FHIP1B: variants seen among roughly 807,000 people sequenced by gnomAD.
FHIP1B encodes FHF complex subunit HOOK-interacting protein 1B.
Under a neutral mutation model 82.2 loss-of-function variants are expected in FHIP1B, and 28 were observed. That is an observed-to-expected ratio of 0.34 (90% CI 0.25 to 0.47). The LOEUF is 0.47. Ranked by LOEUF, FHIP1B falls within the 20% of genes least tolerant of loss-of-function variation. The pLI is 1.00. For synonymous variants in FHIP1B, 585 were observed against 516.1 expected, an observed-to-expected ratio of 1.13 and a Z score of -1.81; for missense variants, 1,110 against 1,262.6, an observed-to-expected ratio of 0.88 and a Z score of 1.83.
Position 6,224,368 on chromosome 11 carries a change from C to T in FHIP1B, c.138+11G>A, listed in dbSNP as rs76804624. The T allele has an allele frequency of 2.2e-3, 3,480 of 1,614,112 alleles. 79 individuals carry two copies. The African/African-American group carries it at 0.039, about 18-fold the overall frequency. On this transcript the variant is annotated intron_variant, in intron 2 of 11. Transcript: ENST00000449352. ...TCAGCAGACAAGGCCCTTTGCCATA[C>T]AGTCTCCTACCTGGGACCAGTGATT...
At chr11:6,218,941 G>A in intron 7 of FHIP1B, 30 bp downstream of exon 7, 1 of 1,610,688 alleles carries the variant, frequency 6.2e-7, no homozygotes, top group Non-Finnish European at 8.5e-7. Flanking sequence ...TTCAGGGTCA[G>A]CCATCCCTCA....
At position 6,214,474 on chromosome 11, in the gene FHIP1B, C is replaced by T. The variant is rs1432518061; in HGVS notation, c.2494G>A (p.Gly832Ser). 2.5e-6 allele frequency: 4 copies of T among 1,614,114 alleles called. No homozygotes were observed. The highest frequency in any genetic ancestry group is 3.4e-6 in the Non-Finnish European group (4 of 1,180,018). Residue 832 changes from glycine to serine, a missense_variant, in exon 11 of 12, where the codon GGC becomes AGC. Physicochemically the swap from Gly to Ser is moderately conservative, Grantham distance 56 (BLOSUM62 0). Coordinates refer to ENST00000449352, the MANE Select transcript of FHIP1B (RefSeq NM_001098794.2). ...SKAKKYLIAR[G>S]KLDWAEGPAA... Reference sequence around the variant, plus strand: ...GGGCCCTCAGCCCAGTCCAACTTGCCACGGGCAATGAGGTACTTCTTGGCT... The same window carrying T: ...GGGCCCTCAGCCCAGTCCAACTTGCTACGGGCAATGAGGTACTTCTTGGCT...
In FHIP1B at chr11:6,211,832, G is replaced by A; in HGVS notation, c.2593C>T (p.Leu865=). 2 of 1,593,972 alleles carry A rather than the reference G, an allele frequency of 1.3e-6. No individual in the cohort carries two copies. The highest frequency in any genetic ancestry group is 1.3e-5 in the African/African-American group (1 of 74,170). ...CTGGTTGGACTGTGTGCATGCCGCAGGAGTAACTCCCCCAAGGATGGCCTC... is the reference window on the plus strand; with the variant it reads ...CTGGTTGGACTGTGTGCATGCCGCAAGAGTAACTCCCCCAAGGATGGCCTC... ...SRRPSLGELL[L]RHAHSPTRAR... The change falls in exon 12 of 12, where the codon CTG becomes TTG. Residue 865 remains leucine (L), a synonymous_variant. Transcript: ENST00000449352.
intron 11 of FHIP1B, among the ~76,000 whole-genome samples, chr11:6,214,034 GAAAA>G (rs59502569): frequency 1.3e-3 from 48 of 36,632 alleles, no homozygotes; most frequent in African/African-American, 4.7e-3. Flanking sequence ...GACCTCTCCT[GAAAA>G]AAAAAAAAAA....
At position 6,234,584 on chromosome 11, in the gene FHIP1B, C is replaced by T. The variant is rs325700; in HGVS notation, c.-232G>A. 0.07 allele frequency: 10,665 copies of T among 152,630 alleles called. 767 individuals carry two copies. The highest frequency in any genetic ancestry group is 0.18 in the African/African-American group (7,656 of 41,562). The allele number at this position is 152,630 out of a possible 1,614,324, so 9.5% of individuals were successfully genotyped here. On this transcript the variant is annotated 5_prime_UTR_variant, in exon 1 of 12. Transcript: ENST00000449352. ...CGCCGAACCTGGCCGGGCCCGGTTG[C>T]TGCTGCGGTGTTAGGTGAGTTCAGG... is the stretch of plus-strand genomic sequence containing the variant.
At position 6,215,283 on chromosome 11, in the gene FHIP1B, G is replaced by A. The variant is rs537228302; in HGVS notation, c.2216-372C>T. On this transcript the variant is annotated intron_variant, in intron 9 of 11. Transcript: ENST00000449352. Reference sequence around the variant, plus strand: ...TATACCTACCTCATAAGGTGATGAAGAGGATCAAAGAGTTATCAATATAAA... The same window carrying A: ...TATACCTACCTCATAAGGTGATGAAAAGGATCAAAGAGTTATCAATATAAA... 6.4e-4 allele frequency: 108 copies of A among 168,690 alleles called. No homozygotes were observed. In the South Asian group the frequency reaches 0.012, roughly 19 times the overall value. 10.4% of individuals were successfully genotyped at this position (168,690 alleles called of 1,614,324 possible).
At chr11:6,216,104 C>T (rs1248266597) in intron 9 of FHIP1B, among the ~76,000 whole-genome samples, 1 of 152,192 alleles carries the variant, frequency 6.6e-6, no homozygotes, top group African/African-American at 2.4e-5. Flanking sequence ...TACTTCAAGA[C>T]TGTGGTAAAA....
At chr11:6,218,509 CT>C (rs3833754) in intron 8 of FHIP1B, 90 bp downstream of exon 8, 363,924 of 1,572,098 alleles carry the variant, frequency 0.23, 44,460 homozygotes, top group Middle Eastern at 0.28. Context: ...CCTTCCTCCC[CT>C]TCACCCCAGC....
rs942952382 is a variant in FHIP1B at position 6,218,265 on chromosome 11, T to C, written c.1436-115A>G. ...TGGGGAGGCAGAAACATGGAATCTA[T>C]TCAGACAGCTAACTCTCCAACCTCC... is the stretch of plus-strand genomic sequence containing the variant. On this transcript the variant is annotated intron_variant, in intron 8 of 11. Transcript: ENST00000449352. The C allele has an allele frequency of 2.9e-6, 4 of 1,393,346 alleles. No individual in the cohort carries two copies. In the African/African-American group the frequency reaches 4.4e-5, roughly 15 times the overall value. 86.3% of individuals were successfully genotyped at this position (1,393,346 alleles called of 1,614,324 possible).
In FHIP1B at chr11:6,218,584, T is replaced by C. The variant is rs191657277; in HGVS notation, c.1435+16A>G. On this transcript the variant is annotated intron_variant, in intron 8 of 11. Transcript: ENST00000449352. ...CGTGATGTCCTCCCTTCTCCCTGTC[T>C]CTCTGCTAGGCCCACCTCGTGCCCA... 2 of 1,613,728 alleles carry C rather than the reference T, an allele frequency of 1.2e-6. No individual in the cohort carries two copies. Among genetic ancestry groups the C allele is most frequent in the African/African-American group, 2.7e-5 (2 of 74,858 alleles).
At chr11:6,217,149 G>A (rs770156644) in intron 9 of FHIP1B, 9 of 704,406 alleles carry the variant, frequency 1.3e-5, no homozygotes, top group Middle Eastern at 4.6e-4. Flanking sequence ...AGGCTCAGAT[G>A]TAAGTCAATA....
At position 6,214,918 on chromosome 11, in the gene FHIP1B, T is replaced by G. The variant is rs2133786592; in HGVS notation, c.2216-7A>C. The G allele has an allele frequency of 6.5e-7, 1 of 1,544,638 alleles. No individual in the cohort carries two copies. Among genetic ancestry groups the G allele is most frequent in the Non-Finnish European group, 8.7e-7 (1 of 1,142,922 alleles). The stretch of plus-strand genomic sequence containing the variant: ...AGCACAGCCATGAAGGGGCCTGGGT[T>G]GGGGGGGAGGTGGGCACAAGGATAC... On this transcript the variant is annotated splice_region_variant and splice_polypyrimidine_tract_variant and intron_variant, in intron 9 of 11. Coordinates refer to ENST00000449352, the MANE Select transcript of FHIP1B (RefSeq NM_001098794.2).
intron 1 of FHIP1B, among the ~76,000 whole-genome samples, chr11:6,233,681 T>C (rs1214007247): frequency 1.3e-5 from 2 of 152,216 alleles, no homozygotes; most frequent in African/African-American, 4.8e-5. Context: ...GGGCAAACCA[T>C]ATGACCTCCA....
At chr11:6,215,894 C>T (rs17817239) in intron 9 of FHIP1B, among the ~76,000 whole-genome samples, 6,028 of 152,218 alleles carry the variant, frequency 0.04, 136 homozygotes, top group Non-Finnish European at 0.046. Flanking sequence ...GGAGTGAATC[C>T]TGAAAAAGAT....
Position 6,224,245 on chromosome 11 carries a change from C to A in FHIP1B, c.142G>T (p.Val48Leu), listed in dbSNP as rs762157311. 13 of 1,610,114 alleles carry A rather than the reference C, an allele frequency of 8.1e-6. No homozygotes were observed. The South Asian group carries it at 1.3e-4, about 16-fold the overall frequency. Residue 48 changes from valine (V) to leucine (L), a missense_variant, in exon 3 of 12, where the codon GTG (valine) becomes TTG (leucine). This residue lies in a region of FHIP1B where 467 missense variants were observed against 602.9 expected (regional missense o/e 0.77). Transcript: ENST00000449352. Reference protein sequence around the residue: ...MVFKNHWSQVVRILERQGPRA... With the variant: ...MVFKNHWSQVLRILERQGPRA... ...GGGCCTTGCCGCTCCAGGATTCGCA[C>A]CACCTAGGGAAAAAGGACAGAAGAT...
In FHIP1B at chr11:6,211,747, A is replaced by T; in HGVS notation, c.2678T>A (p.Leu893Gln). 1 of 1,614,222 alleles carries T rather than the reference A, an allele frequency of 6.2e-7. No homozygotes were observed. Among genetic ancestry groups the T allele is most frequent in the Non-Finnish European group, 8.5e-7 (1 of 1,180,022 alleles). Residue 893 changes from leucine (L) to glutamine (Q), a missense_variant, in exon 12 of 12, where the codon CTA becomes CAA. Around this residue, in one of 6 missense-constraint regions of FHIP1B, gnomAD observed 147 missense variants for 154.0 expected, o/e 0.95. Transcript: ENST00000449352. ...QPGRDGAGLGLSGGSPGASTP... is the reference protein window; with the variant it reads ...QPGRDGAGLGQSGGSPGASTP... ...TGAAGCCCCAGGGGAGCCCCCACTT[A>T]GGCCAAGTCCTGCTCCGTCTCGCCC...
Position 6,222,600 on chromosome 11 carries a change from C to T in FHIP1B, c.1033G>A (p.Glu345Lys). 1 of 1,614,038 alleles carries T rather than the reference C, an allele frequency of 6.2e-7. No homozygotes were observed. Among genetic ancestry groups the T allele is most frequent in the Non-Finnish European group, 8.5e-7 (1 of 1,179,980 alleles). The change falls in exon 6 of 12, where the codon GAG becomes AAG. Residue 345 changes from glutamate to lysine, a missense_variant. Physicochemically the swap from Glu to Lys is moderately conservative, Grantham distance 56. Around this residue, in one of 6 missense-constraint regions of FHIP1B, gnomAD observed 467 missense variants for 602.9 expected, o/e 0.77. Transcript: ENST00000449352. The part of the protein sequence containing the change: ...MGPALHKTSV[E>K]EMIASTAYLE... The stretch of plus-strand genomic sequence containing the variant: ...TAGGCGGTACTGGCGATCATCTCCT[C>T]CACAGAGGTCTGCACAAAAAGAAGG...
chr11:6,228,350 C>CAA (rs972521859), intron 1 of FHIP1B, among the ~76,000 whole-genome samples: 2 of 143,584 alleles, frequency 1.4e-5, no homozygotes, highest in African/African-American at 5.1e-5. Flanking sequence ...AACTCTGTCT[C>CAA]AAAAAAAAAA....
Position 6,223,129 on chromosome 11 carries a change from G to A in FHIP1B, c.887C>T (p.Ala296Val), listed in dbSNP as rs753512882. Residue 296 changes from alanine to valine, a missense_variant, in exon 4 of 12, where the codon GCC becomes GTC. Around this residue, in one of 6 missense-constraint regions of FHIP1B, gnomAD observed 467 missense variants for 602.9 expected, o/e 0.77. Transcript: ENST00000449352. The surrounding 1 kb of genome is among the most constrained non-coding windows in gnomAD (Gnocchi z 4.8). ...CAGGGAACTCATGAAGAGTGCAAGG[G>A]CTGGCACTCCCAGCCAGTCTTCCCG... ...LRREDWLGVP[A>V]LALFMSSLEF... 1.2e-6 allele frequency: 2 copies of A among 1,600,480 alleles called. No individual in the cohort carries two copies. The highest frequency in any genetic ancestry group is 1.7e-6 in the Non-Finnish European group (2 of 1,176,576).
Sources: gnomAD v4.1 joint callset for allele counts (sites outside exome capture counted in the v4.1 genomes callset) on GRCh38, gnomAD v4.1.1 for gene constraint, gnomAD v4.1.1 regional missense constraint, Gnocchi (gnomAD v3.1) non-coding constraint, MANE v1.5 for transcripts, NCBI Gene and HGNC (gene_info 2026-07-23, HGNC 2026-07-21) for gene names.